SPATA16: variants seen among roughly 807,000 people sequenced by gnomAD.
The protein encoded by SPATA16 is spermatogenesis-associated protein 16.
A neutral mutation model predicts 63.3 loss-of-function variants in SPATA16; 36 were observed. That is an observed-to-expected ratio of 0.57 (90% CI 0.44 to 0.75). The LOEUF (loss-of-function observed/expected upper bound fraction) is 0.75. Ranked by LOEUF, SPATA16 falls within the 30% of genes least tolerant of loss-of-function variation. The pLI, the probability that SPATA16 is intolerant of heterozygous loss-of-function variation, is 0.00. For missense variants in SPATA16, 646 were observed against 679.3 expected, an observed-to-expected ratio of 0.95 and a Z score of 0.54; for synonymous variants, 203 against 216.7, an observed-to-expected ratio of 0.94 and a Z score of 0.56.
chr3:173,119,923 A>G (rs143438178), intron 1 of SPATA16, among the ~76,000 whole-genome samples: 57 of 152,236 alleles, frequency 3.7e-4, no homozygotes, highest in Non-Finnish European at 6.3e-4. Flanking sequence ...CCCTATCTGT[A>G]CTAAAAATAC....
intron 2 of SPATA16, 142 bp downstream of exon 2, chr3:173,116,978 G>T (rs1172358470): frequency 4.5e-6 from 4 of 885,488 alleles, no homozygotes; most frequent in East Asian, 2.4e-5. Flanking sequence ...TGTAAACTGG[G>T]AACTGCAAAA....
intron 5 of SPATA16, among the ~76,000 whole-genome samples, chr3:172,965,388 A>T (rs1295416427): frequency 6.6e-6 from 1 of 152,210 alleles, no homozygotes; most frequent in African/African-American, 2.4e-5. Context: ...CAGAAGTGGA[A>T]TCTTTAGCAG....
At chr3:173,094,483 G>A (rs1737300839) in intron 2 of SPATA16, among the ~76,000 whole-genome samples, 1 of 152,134 alleles carries the variant, frequency 6.6e-6, no homozygotes, top group South Asian at 2.1e-4. Flanking sequence ...TTGCCAAAAT[G>A]TACAAGGAGA....
chr3:173,114,842 C>T (rs909639578), intron 2 of SPATA16, among the ~76,000 whole-genome samples: 11 of 152,094 alleles, frequency 7.2e-5, no homozygotes, highest in African/African-American at 1.9e-4. Context: ...AAGTTAAATT[C>T]GGGAAAAGAA....
chr3:172,958,647 T>G (rs112791351), intron 5 of SPATA16, among the ~76,000 whole-genome samples: 11,093 of 152,182 alleles, frequency 0.073, 1,266 homozygotes, highest in African/African-American at 0.25. Context: ...GAAATTTATT[T>G]TCTCACAGTT....
chr3:173,120,571 T>C (rs1738035713), intron 1 of SPATA16, among the ~76,000 whole-genome samples: 1 of 152,224 alleles, frequency 6.6e-6, no homozygotes, highest in Non-Finnish European at 1.5e-5. Context: ...TTGTCATTAG[T>C]AACATTTTTA....
intron 3 of SPATA16, among the ~76,000 whole-genome samples, chr3:173,040,351 G>A (rs1735811272): frequency 6.6e-6 from 1 of 151,764 alleles, no homozygotes; most frequent in Admixed American, 6.6e-5. Context: ...TACCCTGCAA[G>A]GCTATTTTAT....
At chr3:172,997,862 C>A (rs1003200188) in intron 4 of SPATA16, among the ~76,000 whole-genome samples, 7 of 152,236 alleles carry the variant, frequency 4.6e-5, no homozygotes, top group Non-Finnish European at 1.0e-4. Flanking sequence ...ACTATCTTTG[C>A]TCCATTGTAT....
intron 6 of SPATA16, among the ~76,000 whole-genome samples, chr3:172,936,497 A>G (rs1192611321): frequency 2.0e-5 from 3 of 152,146 alleles, no homozygotes; most frequent in East Asian, 1.9e-4. Flanking sequence ...TCTAAGTTGT[A>G]TCCTTTACTT....
At chr3:173,027,664 G>A (rs1049480971) in intron 3 of SPATA16, among the ~76,000 whole-genome samples, 1 of 151,726 alleles carries the variant, frequency 6.6e-6, no homozygotes, top group Non-Finnish European at 1.5e-5. Flanking sequence ...TTTAGAGAGT[G>A]TTTTCTGCTT....
chr3:173,068,141 T>G (rs9818830), intron 2 of SPATA16, among the ~76,000 whole-genome samples: 1 of 151,970 alleles, frequency 6.6e-6, no homozygotes, highest in African/African-American at 2.4e-5. Flanking sequence ...TAACAAGAAA[T>G]CATCTGAAGG....
intron 2 of SPATA16, among the ~76,000 whole-genome samples, chr3:173,077,556 G>GATATAA (rs2108311439): frequency 6.6e-6 from 1 of 152,292 alleles, no homozygotes; most frequent in East Asian, 1.9e-4. Context: ...GCTTCCCAGA[G>GATATAA]CCGGTGGTGA....
chr3:173,053,575 A>G (rs1258059462), intron 2 of SPATA16, among the ~76,000 whole-genome samples: 2 of 152,220 alleles, frequency 1.3e-5, no homozygotes, highest in African/African-American at 4.8e-5. Flanking sequence ...CAGAAATAAT[A>G]TTAAATAATA....
intron 2 of SPATA16, among the ~76,000 whole-genome samples, chr3:173,054,688 C>T (rs1429420609): frequency 1.7e-4 from 26 of 152,044 alleles, no homozygotes; most frequent in Admixed American, 1.6e-3. Context: ...GTGCAGCAAA[C>T]CACCATGGCA....
intron 6 of SPATA16, among the ~76,000 whole-genome samples, chr3:172,943,806 A>G (rs1412600792): frequency 2.6e-5 from 4 of 152,176 alleles, no homozygotes; most frequent in Non-Finnish European, 5.9e-5. Flanking sequence ...ATCAAAAGTC[A>G]CCGCAGAAAA....
At chr3:172,920,506 G>A (rs965001448) in intron 8 of SPATA16, among the ~76,000 whole-genome samples, 3 of 152,184 alleles carry the variant, frequency 2.0e-5, no homozygotes, top group Admixed American at 6.5e-5. Context: ...TATTTAAAAT[G>A]CTTTGGTTGA....
intron 10 of SPATA16, among the ~76,000 whole-genome samples, chr3:172,903,111 G>C (rs1323493265): frequency 1.3e-5 from 2 of 152,116 alleles, no homozygotes; most frequent in Non-Finnish European, 2.9e-5. Flanking sequence ...TTATTCTCCA[G>C]AATTATAAAG....
At chr3:172,996,632 T>C (rs972072280) in intron 4 of SPATA16, among the ~76,000 whole-genome samples, 8 of 152,124 alleles carry the variant, frequency 5.3e-5, no homozygotes, top group Admixed American at 3.9e-4. Flanking sequence ...TTTGTTACAA[T>C]TGATGACTTA....
At chr3:173,013,632 A>C (rs1735119858) in intron 4 of SPATA16, among the ~76,000 whole-genome samples, 1 of 152,256 alleles carries the variant, frequency 6.6e-6, no homozygotes, top group Non-Finnish European at 1.5e-5. Flanking sequence ...AGGATTGCAC[A>C]TGACTGTTGC....
Sources: allele counts gnomAD v4.1 joint callset (sites outside exome capture counted in the v4.1 genomes callset), GRCh38; gene constraint gnomAD v4.1.1; transcripts MANE v1.5; gene names NCBI Gene and HGNC (gene_info 2026-07-23, HGNC 2026-07-21).